The following PHLPP2 variants were observed in gnomAD, a reference collection of about 807,000 sequenced individuals.
PHLPP2 encodes the protein PH domain leucine-rich repeat-containing protein phosphatase 2.
Under a neutral mutation model 124.9 loss-of-function variants are expected in PHLPP2, and 66 were observed. The observed-to-expected ratio is 0.53, with a 90% CI of 0.43 to 0.65. The LOEUF (loss-of-function observed/expected upper bound fraction) is 0.65, where lower values mean the gene tolerates loss of function less well. PHLPP2 is among the 30% of genes least tolerant of loss of function. The pLI, the probability that PHLPP2 is intolerant of heterozygous loss-of-function variation, is 0.00. For missense variants in PHLPP2, 1,685 were observed against 1,600.4 expected (o/e 1.05, Z -0.90); for synonymous variants, 681 against 624.7 (o/e 1.09, Z -1.34).
intron 10 of PHLPP2, among the ~76,000 whole-genome samples, chr16:71,671,541 C>T (rs915637087): frequency 3.3e-5 from 5 of 151,890 alleles, no homozygotes; most frequent in Admixed American, 2.6e-4. Flanking sequence ...GTAATAAAAT[C>T]CTGAATATAA....
At chr16:71,711,661 A>G (rs1300829342) in intron 2 of PHLPP2, among the ~76,000 whole-genome samples, 1 of 152,232 alleles carries the variant, frequency 6.6e-6, no homozygotes, top group African/African-American at 2.4e-5. Flanking sequence ...GGTAATTTAC[A>G]TAAAGCATAA....
intron 7 of PHLPP2, among the ~76,000 whole-genome samples, 161 bp downstream of exon 7, chr16:71,679,228 G>C (rs1313133545): frequency 6.6e-6 from 1 of 152,172 alleles, no homozygotes; most frequent in Admixed American, 6.5e-5. Flanking sequence ...TCACTGCTAT[G>C]GGCAGGTATA....
At chr16:71,715,775 C>G (rs946142463) in intron 1 of PHLPP2, among the ~76,000 whole-genome samples, 2 of 147,610 alleles carry the variant, frequency 1.4e-5, no homozygotes, top group African/African-American at 5.1e-5. Context: ...GTCAAGAATT[C>G]GAGACCAGCT....
intron 17 of PHLPP2, 69 bp from the exon 18 acceptor site, chr16:71,653,090 A>T: frequency 3.6e-6 from 3 of 830,204 alleles, no homozygotes; most frequent in Non-Finnish European, 5.5e-6. Context: ...TCCTGCACGT[A>T]CATCCCTTCT....
Position 71,678,789 on chromosome 16 carries a change from T to C in PHLPP2, c.1234A>G (p.Asn412Asp), listed in dbSNP as rs1173122834. The C allele has an allele frequency of 1.9e-6, 3 of 1,607,184 alleles. No individual in the cohort carries two copies. The East Asian group carries it at 6.7e-5, about 36-fold the overall frequency. ...ACATGCTTGATATGGTTCATCCTAT[T>C]CAGCACCCCTAAGTTCAGGACTTCC... The part of the protein sequence containing the change: ...CLEVLNLGVL[N>D]RMNHIKHVDL... The change falls in exon 8 of 19, where the codon AAT (asparagine) becomes GAT (aspartate). Residue 412 changes from asparagine to aspartate, a missense_variant. Asn to Asp is a conservative substitution (Grantham distance 23). Transcript: ENST00000568954.
Position 71,702,628 on chromosome 16 carries a change from C to T in PHLPP2, c.388G>A (p.Asp130Asn). The T allele has an allele frequency of 6.2e-7, 1 of 1,611,016 alleles. No individual in the cohort carries two copies. The highest frequency in any genetic ancestry group is 8.5e-7 in the Non-Finnish European group (1 of 1,179,150). ...TAAAATCGAATCATACAGCCGAGGTCAGGATTTGTAGCCTCCTCCTGTATG... is the reference window on the plus strand; with the variant it reads ...TAAAATCGAATCATACAGCCGAGGTTAGGATTTGTAGCCTCCTCCTGTATG... ...VRIQEEATNP[D>N]LGCMIRFYGE... Residue 130 changes from aspartate (D) to asparagine (N), a missense_variant, in exon 3 of 19, where the codon GAC becomes AAC. Physicochemically the swap from Asp to Asn is conservative, Grantham distance 23. Coordinates refer to ENST00000568954, the MANE Select transcript of PHLPP2 (RefSeq NM_015020.3).
At chr16:71,657,953 A>G (rs1229525738) in intron 15 of PHLPP2, among the ~76,000 whole-genome samples, 1 of 152,262 alleles carries the variant, frequency 6.6e-6, no homozygotes, top group East Asian at 1.9e-4. Flanking sequence ...ATTGTCTCTT[A>G]GATATTATAT....
chr16:71,717,873 A>ACT (rs1283949479), intron 1 of PHLPP2, among the ~76,000 whole-genome samples: 1 of 152,180 alleles, frequency 6.6e-6, no homozygotes, highest in African/African-American at 2.4e-5. Context: ...AAATCTTAGA[A>ACT]AAGTCAAGGA....
At chr16:71,658,852 G>GA in intron 13 of PHLPP2, 37 bp from the exon 14 acceptor site, 2 of 1,595,664 alleles carry the variant, frequency 1.3e-6, no homozygotes, top group Non-Finnish European at 1.7e-6. Flanking sequence ...AATGCACCAA[G>GA]ACTGAGCAGC....
chr16:71,722,640 T>C (rs1345086325), intron 1 of PHLPP2, among the ~76,000 whole-genome samples: 1 of 152,242 alleles, frequency 6.6e-6, no homozygotes, highest in Non-Finnish European at 1.5e-5. Context: ...TTTAACATCA[T>C]ACGTTTTGTT....
In PHLPP2 at chr16:71,714,527, T is replaced by C; in HGVS notation, c.269A>G (p.His90Arg). Reference protein sequence around the residue: ...EGRESLYLQLHGDLVRRLEPT... With the variant: ...EGRESLYLQLRGDLVRRLEPT... The stretch of plus-strand genomic sequence containing the variant: ...GAGACCTCACCTGACCAGGTCTCCA[T>C]GAAGCTGTAAATAAAGACTTTCTCT... The change falls in exon 2 of 19, where the codon CAT becomes CGT. Residue 90 changes from histidine to arginine, a missense_variant. By Grantham distance (29) the His-to-Arg change is conservative. Transcript: ENST00000568954. 6.2e-7 allele frequency: 1 copy of C among 1,610,886 alleles called. No individual in the cohort carries two copies. Among genetic ancestry groups the C allele is most frequent in the Non-Finnish European group, 8.5e-7 (1 of 1,177,750 alleles).
At chr16:71,717,953 G>A (rs1434270659) in intron 1 of PHLPP2, among the ~76,000 whole-genome samples, 3 of 152,124 alleles carry the variant, frequency 2.0e-5, no homozygotes, top group East Asian at 1.9e-4. Context: ...CTACAGTGGC[G>A]TGATCATAGC....
At chr16:71,699,110 G>A (rs1165681384) in intron 3 of PHLPP2, among the ~76,000 whole-genome samples, 1 of 152,162 alleles carries the variant, frequency 6.6e-6, no homozygotes, top group African/African-American at 2.4e-5. Context: ...TTCAGGAACT[G>A]GGTGGTTGGA....
At chr16:71,708,525 T>C (rs912605599) in intron 2 of PHLPP2, among the ~76,000 whole-genome samples, 24 of 152,208 alleles carry the variant, frequency 1.6e-4, no homozygotes, top group Non-Finnish European at 2.9e-4. Flanking sequence ...AAAAGCTTTA[T>C]TGCTCACACA....
chr16:71,723,132 C>G (rs1261056208), intron 1 of PHLPP2: 1 of 152,344 alleles, frequency 6.6e-6, no homozygotes, highest in East Asian at 1.9e-4. Context: ...TCCTCCCTTC[C>G]GCAACACGCC....
intron 13 of PHLPP2, among the ~76,000 whole-genome samples, chr16:71,662,981 G>A (rs2044805221): frequency 6.6e-6 from 1 of 152,074 alleles, no homozygotes; most frequent in Admixed American, 6.6e-5. Flanking sequence ...CTTCTTATAG[G>A]TATAGCCTGG....
At chr16:71,653,405 TG>T (rs1444617269) in intron 17 of PHLPP2, among the ~76,000 whole-genome samples, 1 of 152,148 alleles carries the variant, frequency 6.6e-6, no homozygotes, top group Non-Finnish European at 1.5e-5. Flanking sequence ...GGTAAGAGGC[TG>T]GCCCAATAAA....
chr16:71,706,742 T>C (rs2045276988), intron 2 of PHLPP2, among the ~76,000 whole-genome samples: 1 of 152,144 alleles, frequency 6.6e-6, no homozygotes, highest in Non-Finnish European at 1.5e-5. Flanking sequence ...GACATCAGGG[T>C]AGGAACCTGT....
rs150908269 is a variant in PHLPP2, at chr16:71,658,778, G to A, written c.2023C>T (p.Leu675=). The A allele has an allele frequency of 8.7e-6, 14 of 1,613,962 alleles. No homozygotes were observed. In the African/African-American group the frequency reaches 1.9e-4, roughly 22 times the overall value. Residue 675 remains leucine (L), a synonymous_variant, in exon 14 of 19, where the codon CTA becomes TTA. Coordinates refer to ENST00000568954, the MANE Select transcript of PHLPP2 (RefSeq NM_015020.3). The part of the protein sequence containing the change: ...NKLEQLEELN[L]SGNKLKTIPT... ...ATGGTTTTAAGCTTGTTGCCACTTAGGTTCAGTTCCTCCAATTGCTCCAAT... is the reference window on the plus strand; with the variant it reads ...ATGGTTTTAAGCTTGTTGCCACTTAAGTTCAGTTCCTCCAATTGCTCCAAT...
Sources: allele counts gnomAD v4.1 joint callset (sites outside exome capture counted in the v4.1 genomes callset), GRCh38; gene constraint gnomAD v4.1.1; transcripts MANE v1.5; gene names NCBI Gene and HGNC (gene_info 2026-07-23, HGNC 2026-07-21).